The following COMMD7 variants were observed in gnomAD, a reference collection of about 807,000 sequenced individuals.
COMMD7 encodes COMM domain-containing protein 7.
Under a neutral mutation model 34.8 loss-of-function variants are expected in COMMD7, and 28 were observed. That is an observed-to-expected ratio of 0.80 (90% CI 0.60 to 1.10). The LOEUF (loss-of-function observed/expected upper bound fraction) is 1.10, where lower values mean the gene tolerates loss of function less well. COMMD7 is among the 50% of genes least tolerant of loss of function. The pLI, the probability that COMMD7 is intolerant of heterozygous loss-of-function variation, is 0.00. For missense variants in COMMD7, 211 were observed against 241.6 expected, an observed-to-expected ratio of 0.87 and a Z score of 0.84; for synonymous variants, 80 against 86.4, an observed-to-expected ratio of 0.93 and a Z score of 0.41.
intron 5 of COMMD7, among the ~76,000 whole-genome samples, chr20:32,705,673 A>G (rs1251607525): frequency 6.6e-6 from 1 of 152,026 alleles, no homozygotes; most frequent in African/African-American, 2.4e-5. Context: ...GGGCCTGGCC[A>G]GTAGGAGGTA....
At chr20:32,736,209 C>T (rs536529125) in intron 1 of COMMD7, among the ~76,000 whole-genome samples, 1 of 152,250 alleles carries the variant, frequency 6.6e-6, no homozygotes, top group South Asian at 2.1e-4. Flanking sequence ...ACAAGGTTCA[C>T]ACAATGATTC....
chr20:32,731,571 C>A (rs76765244), intron 1 of COMMD7, among the ~76,000 whole-genome samples: 3,996 of 152,160 alleles, frequency 0.026, 161 homozygotes, highest in East Asian at 0.11. Flanking sequence ...CATGACACTC[C>A]CAACAAGAAA....
At chr20:32,716,540 G>A (rs956154496) in intron 3 of COMMD7, among the ~76,000 whole-genome samples, 6 of 152,100 alleles carry the variant, frequency 3.9e-5, no homozygotes, top group Non-Finnish European at 8.8e-5. Context: ...GCGTGAACCC[G>A]GGAGGCGGAG....
At chr20:32,732,913 G>C (rs1443078806) in intron 1 of COMMD7, among the ~76,000 whole-genome samples, 1 of 151,798 alleles carries the variant, frequency 6.6e-6, no homozygotes, top group Admixed American at 6.6e-5. Context: ...TCCAGCCTGG[G>C]CGACAGAGTG....
rs1329968382 is a variant in COMMD7 at position 32,715,364 on chromosome 20, T to A, written c.242-8604A>T. Among the ~76,000 whole-genome samples the A allele has an allele frequency of 3.4e-5, 5 of 146,878 alleles. No homozygotes were observed. The East Asian group carries it at 1.0e-3, about 30-fold the overall frequency. ...CGGGAGTGGTGGCATGCACTTGTGG[T>A]CCCAGCTACTCGGGAGGCTGAGGTG... is the stretch of plus-strand genomic sequence containing the variant. On this transcript the variant is annotated intron_variant, in intron 3 of 8. Coordinates refer to ENST00000278980, the MANE Select transcript of COMMD7 (RefSeq NM_053041.3).
chr20:32,721,876 G>A lies in COMMD7; in HGVS notation c.241+6017C>T, dbSNP rs376849390. Reference sequence around the variant, plus strand: ...CATGCTACTGCGCTCCAGCCTGGGCGACAGAGCAAGACGTTGTCTCAAAAA... The same window carrying A: ...CATGCTACTGCGCTCCAGCCTGGGCAACAGAGCAAGACGTTGTCTCAAAAA... On this transcript the variant is annotated intron_variant, in intron 3 of 8. Transcript: ENST00000278980. Among the ~76,000 whole-genome samples, 19 of 143,750 alleles carry A rather than the reference G, an allele frequency of 1.3e-4. No homozygotes were observed. In the South Asian group the frequency reaches 1.6e-3, roughly 12 times the overall value. 94.3% of individuals were successfully genotyped at this position (143,750 alleles called of 152,430 possible).
chr20:32,726,112 T>C (rs901062155), intron 3 of COMMD7, among the ~76,000 whole-genome samples: 2 of 150,126 alleles, frequency 1.3e-5, no homozygotes, highest in Non-Finnish European at 3.0e-5. Flanking sequence ...AGACTTTGGC[T>C]GAGTACAGTG....
chr20:32,704,603 C>T, intron 6 of COMMD7, 114 bp from the exon 7 acceptor site: 2 of 1,133,636 alleles, frequency 1.8e-6, no homozygotes, highest in South Asian at 2.9e-5. Context: ...CATGTGGGGG[C>T]AAGTATGAGG....
intron 1 of COMMD7, among the ~76,000 whole-genome samples, chr20:32,737,849 A>AAG (rs386393639): frequency 1.3e-5 from 2 of 151,416 alleles, no homozygotes; most frequent in African/African-American, 4.9e-5. Context: ...AAAAAAAAAA[A>AAG]AGAAAATGAG....
chr20:32,715,001 C>T (rs866161229), intron 3 of COMMD7, among the ~76,000 whole-genome samples: 16 of 151,316 alleles, frequency 1.1e-4, no homozygotes, highest in African/African-American at 3.6e-4. Flanking sequence ...CGGAGTGGGA[C>T]TCTGTCTCAA....
At chr20:32,707,424 A>C (rs939300967) in intron 3 of COMMD7, among the ~76,000 whole-genome samples, 5 of 151,136 alleles carry the variant, frequency 3.3e-5, no homozygotes, top group African/African-American at 1.2e-4. Flanking sequence ...GGTTCAAGTG[A>C]TTTTCATGCC....
At chr20:32,715,963 A>G (rs1188747765) in intron 3 of COMMD7, among the ~76,000 whole-genome samples, 2 of 152,216 alleles carry the variant, frequency 1.3e-5, no homozygotes, top group Non-Finnish European at 2.9e-5. Flanking sequence ...GCTACCACTT[A>G]GTGAAGTGAG....
intron 1 of COMMD7, among the ~76,000 whole-genome samples, chr20:32,729,996 G>C (rs903374994): frequency 1.3e-5 from 2 of 152,080 alleles, no homozygotes; most frequent in Non-Finnish European, 2.9e-5. Flanking sequence ...CTGGACGACA[G>C]ATTGAGACTC....
intron 1 of COMMD7, among the ~76,000 whole-genome samples, chr20:32,730,558 AAACAACAAC>A (rs34678832): frequency 4.0e-5 from 6 of 149,700 alleles, no homozygotes; most frequent in Non-Finnish European, 7.4e-5. Context: ...CCGTTTCAAA[AAACAACAAC>A]AACAACAACA....
chr20:32,739,613 C>A (rs1986320646), intron 1 of COMMD7, among the ~76,000 whole-genome samples: 1 of 113,386 alleles, frequency 8.8e-6, no homozygotes, highest in Non-Finnish European at 1.8e-5. Flanking sequence ...CCACTGTACT[C>A]CAGCCTCGGT....
chr20:32,714,500 C>A (rs1984655215), intron 3 of COMMD7, among the ~76,000 whole-genome samples: 2 of 151,152 alleles, frequency 1.3e-5, no homozygotes, highest in Non-Finnish European at 2.9e-5. Context: ...CCAGCCTGGC[C>A]AATATGGTGA....
intron 1 of COMMD7, among the ~76,000 whole-genome samples, chr20:32,742,181 C>T (rs548770865): frequency 2.5e-4 from 38 of 151,256 alleles, no homozygotes; most frequent in South Asian, 6.3e-4. Context: ...AATGAGACTA[C>T]GTCTCAAAAA....
At position 32,703,191 on chromosome 20, in the gene COMMD7, G is replaced by A. The variant is rs776226219; in HGVS notation, c.*191C>T. The A allele has an allele frequency of 1.6e-4, 78 of 494,672 alleles. No individual in the cohort carries two copies. Among genetic ancestry groups the A allele is most frequent in the Non-Finnish European group, 2.4e-4 (66 of 279,614 alleles). The allele number at this position is 494,672 out of a possible 1,614,324, so 30.6% of individuals were successfully genotyped here. A position where few individuals can be genotyped will look rare whatever the true frequency, so the allele number is the denominator to read the frequency against. On this transcript the variant is annotated 3_prime_UTR_variant, in exon 9 of 9. Transcript: ENST00000278980. ...GGTTGCCCTAACAGAGAGTTTACAG[G>A]GTAATTGTGTTGGGCTCTTTCAGTA...
Position 32,734,818 on chromosome 20 carries a change from G to A in COMMD7, c.85-6676C>T, listed in dbSNP as rs532574062. On this transcript the variant is annotated intron_variant, in intron 1 of 8. Coordinates refer to ENST00000278980, the MANE Select transcript of COMMD7 (RefSeq NM_053041.3). Reference sequence around the variant, plus strand: ...TGGTAGCTGTAGTCCCAGCTACTCGGGAGGCTGAGGCAGGAGGATGGCTTA... The same window carrying A: ...TGGTAGCTGTAGTCCCAGCTACTCGAGAGGCTGAGGCAGGAGGATGGCTTA... Among the ~76,000 whole-genome samples the A allele has an allele frequency of 2.6e-5, 4 of 152,206 alleles. No individual in the cohort carries two copies. In the South Asian group the frequency reaches 8.3e-4, roughly 32 times the overall value.
Sources: allele counts gnomAD v4.1 joint callset (sites outside exome capture counted in the v4.1 genomes callset), GRCh38; gene constraint gnomAD v4.1.1; transcripts MANE v1.5; gene names NCBI Gene and HGNC (gene_info 2026-07-23, HGNC 2026-07-21).